The following SLC4A10 variants were observed in gnomAD, a reference collection of about 807,000 sequenced individuals.
SLC4A10 encodes sodium-driven chloride bicarbonate exchanger.
Under a neutral mutation model 137.7 loss-of-function variants are expected in SLC4A10, and 42 were observed. The ratio of observed to expected loss-of-function variants is 0.30; its 90% CI spans 0.24 to 0.39. The LOEUF (loss-of-function observed/expected upper bound fraction) is 0.39, where lower values mean the gene tolerates loss of function less well. Ranked by LOEUF, SLC4A10 falls within the 10% of genes least tolerant of loss-of-function variation. SLC4A10 has a pLI of 1.00. For synonymous variants in SLC4A10, 474 were observed against 464.1 expected, an observed-to-expected ratio of 1.02 and a Z score of -0.27; for missense variants, 925 against 1,355.0, an observed-to-expected ratio of 0.68 and a Z score of 4.98.
chr2:161,779,705 T>C (rs1443836984), intron 2 of SLC4A10, among the ~76,000 whole-genome samples: 1 of 152,040 alleles, frequency 6.6e-6, no homozygotes. Context: ...ACCTCTAAAA[T>C]CTTATGCCAA....
At chr2:161,813,487 A>G (rs1410857450) in intron 3 of SLC4A10, among the ~76,000 whole-genome samples, 1 of 152,118 alleles carries the variant, frequency 6.6e-6, no homozygotes, top group African/African-American at 2.4e-5. Context: ...CTGAGAGTGT[A>G]GGATATACTA....
intron 15 of SLC4A10, among the ~76,000 whole-genome samples, chr2:161,933,342 ATTC>A (rs1378565647): frequency 1.3e-5 from 1 of 76,632 alleles, no homozygotes; most frequent in African/African-American, 5.0e-5. Context: ...TTTTCTTTCT[ATTC>A]TTTTCTTTCT....
Position 161,705,643 on chromosome 2 carries a change from C to T in SLC4A10, c.49-65330C>T, listed in dbSNP as rs1041428369. Reference sequence around the variant, plus strand: ...ATGATTAGACCATGAAGGCAGAGACCTCATAAATTGAATTAGTGCCCTTAT... The same window carrying T: ...ATGATTAGACCATGAAGGCAGAGACTTCATAAATTGAATTAGTGCCCTTAT... On this transcript the variant is annotated intron_variant, in intron 1 of 26. Coordinates refer to ENST00000446997, the MANE Select transcript of SLC4A10 (RefSeq NM_001178015.2). Among the ~76,000 whole-genome samples, 6 of 151,628 alleles carry T rather than the reference C, an allele frequency of 4.0e-5. No homozygotes were observed. In the Admixed American group the frequency reaches 4.0e-4, roughly 10 times the overall value.
intron 15 of SLC4A10, among the ~76,000 whole-genome samples, chr2:161,933,299 T>TTCTTTTTTCTTTATTTCTCTCTCTTTTC (rs1690931836): frequency 2.0e-5 from 3 of 150,994 alleles, no homozygotes; most frequent in Non-Finnish European, 4.4e-5. Context: ...CTTTCTTTGT[T>TTCTTTTTTCTTTATTTCTCTCTCTTTTC]TCTTTTTTCT....
At chr2:161,668,990 T>G (rs545649500) in intron 1 of SLC4A10, among the ~76,000 whole-genome samples, 1 of 152,040 alleles carries the variant, frequency 6.6e-6, no homozygotes, top group South Asian at 2.1e-4. Flanking sequence ...ATAAGAATTT[T>G]GTGTAGAAGG....
At chr2:161,708,848 T>C in intron 1 of SLC4A10, 1 of 1,523,890 alleles carries the variant, frequency 6.6e-7, no homozygotes, top group Non-Finnish European at 8.8e-7. Flanking sequence ...TCATGAATTA[T>C]GATGATAATA....
At chr2:161,803,392 A>G (rs1427906288) in intron 2 of SLC4A10, among the ~76,000 whole-genome samples, 4 of 151,774 alleles carry the variant, frequency 2.6e-5, no homozygotes, top group African/African-American at 9.7e-5. Context: ...TCCATAGTTT[A>G]CATTAGGGTT....
chr2:161,830,295 G>C (rs2058350527), intron 3 of SLC4A10, among the ~76,000 whole-genome samples: 2 of 151,768 alleles, frequency 1.3e-5, no homozygotes, highest in Admixed American at 6.6e-5. Flanking sequence ...CTTTAATGCA[G>C]TTAACTAATA....
intron 1 of SLC4A10, among the ~76,000 whole-genome samples, chr2:161,694,975 T>G (rs2042344156): frequency 1.3e-5 from 2 of 151,970 alleles, no homozygotes; most frequent in Admixed American, 1.3e-4. Flanking sequence ...AACACTCCAT[T>G]TAATTCTCCA....
rs1049920784 is a variant in SLC4A10 at position 161,873,996 on chromosome 2, A to G, written c.939A>G (p.Gln313=). 1.1e-5 allele frequency: 17 copies of G among 1,588,372 alleles called. No homozygotes were observed. Among genetic ancestry groups the G allele is most frequent in the Non-Finnish European group, 1.4e-5 (16 of 1,174,768 alleles). The part of the protein sequence containing the change: ...QRHEKGPPHQ[Q]EREVDLHFMK... ...ATGAAAAAGGACCTCCACACCAGCA[A>G]GAGAGAGAGGTGAGGGCATACTCGG... is the stretch of plus-strand genomic sequence containing the variant. Residue 313 remains glutamine (Q), a synonymous_variant, in exon 8 of 27, where the codon CAA becomes CAG. Transcript: ENST00000446997.
intron 1 of SLC4A10, among the ~76,000 whole-genome samples, chr2:161,733,797 A>C (rs2047050060): frequency 6.6e-6 from 1 of 152,218 alleles, no homozygotes. Flanking sequence ...TACCCTGCAA[A>C]GCCACAGGGG....
intron 15 of SLC4A10, among the ~76,000 whole-genome samples, chr2:161,927,476 C>G (rs987494666): frequency 6.6e-6 from 1 of 152,118 alleles, no homozygotes; most frequent in Non-Finnish European, 1.5e-5. Flanking sequence ...GACTTCATGT[C>G]TAAAACACCA....
intron 10 of SLC4A10, among the ~76,000 whole-genome samples, chr2:161,886,548 A>G (rs964138427): frequency 4.6e-5 from 7 of 152,088 alleles, no homozygotes; most frequent in African/African-American, 1.7e-4. Flanking sequence ...TAAAATTATC[A>G]CTTACTAAGA....
At chr2:161,654,990 A>G (rs1429625693) in intron 1 of SLC4A10, among the ~76,000 whole-genome samples, 1 of 152,154 alleles carries the variant, frequency 6.6e-6, no homozygotes, top group Non-Finnish European at 1.5e-5. Context: ...ACAATATTAA[A>G]TCTTCGAATT....
intron 21 of SLC4A10, among the ~76,000 whole-genome samples, chr2:161,959,616 G>C: frequency 6.6e-6 from 1 of 152,200 alleles, no homozygotes; most frequent in South Asian, 2.1e-4. Flanking sequence ...AAAAGAGAGA[G>C]AGAGAGATAG....
chr2:161,947,436 A>G (rs1694019998), intron 16 of SLC4A10, 130 bp from the exon 17 acceptor site: 1 of 908,356 alleles, frequency 1.1e-6, no homozygotes, highest in Non-Finnish European at 1.6e-6. Flanking sequence ...ATGCCTGCTA[A>G]ATCATTGTGA....
At chr2:161,767,346 C>A (rs1422577073) in intron 1 of SLC4A10, among the ~76,000 whole-genome samples, 1 of 150,038 alleles carries the variant, frequency 6.7e-6, no homozygotes, top group Admixed American at 6.7e-5. Context: ...CTTCAGACAC[C>A]TGACTATAAC....
Position 161,771,062 on chromosome 2 carries a change from C to T in SLC4A10, c.130+8C>T. The T allele has an allele frequency of 6.3e-7, 1 of 1,581,662 alleles. No individual in the cohort carries two copies. Among genetic ancestry groups the T allele is most frequent in the Non-Finnish European group, 8.6e-7 (1 of 1,158,612 alleles). ...AGAAAGAAGATTTAGAAGGTAAGAC[C>T]ATTTTTCTTGGGATAGCTATTGGTG... On this transcript the variant is annotated splice_region_variant and intron_variant, in intron 2 of 26. Coordinates refer to ENST00000446997, the MANE Select transcript of SLC4A10 (RefSeq NM_001178015.2).
intron 3 of SLC4A10, among the ~76,000 whole-genome samples, chr2:161,810,547 A>G (rs189778087): frequency 1.1e-4 from 16 of 151,902 alleles, no homozygotes; most frequent in African/African-American, 2.7e-4. Flanking sequence ...TTCTTCAATG[A>G]CTAGCCTGTT....
Sources: allele counts gnomAD v4.1 joint callset (sites outside exome capture counted in the v4.1 genomes callset), GRCh38; gene constraint gnomAD v4.1.1; transcripts MANE v1.5; gene names NCBI Gene and HGNC (gene_info 2026-07-23, HGNC 2026-07-21).